The following SLIT2 variants were observed in gnomAD, a reference collection of about 807,000 sequenced individuals.
SLIT2 encodes the protein slit homolog 2 protein.
In SLIT2, 41 loss-of-function variants were observed where a neutral mutation model predicts 185.7. The observed-to-expected ratio is 0.22, with a 90% CI of 0.17 to 0.29. The LOEUF (loss-of-function observed/expected upper bound fraction) is 0.29, where lower values mean the gene tolerates loss of function less well. Among genes scored for constraint, SLIT2 ranks in the 10% least tolerant of loss-of-function variants. The probability of loss-of-function intolerance (pLI) is 1.00; values close to 1 mark genes in which losing one functional copy is unlikely to be tolerated. For synonymous variants in SLIT2, 693 were observed against 680.2 expected (o/e 1.02, Z -0.29); for missense variants, 1,571 against 1,909.0 (o/e 0.82, Z 3.30).
intron 4 of SLIT2, among the ~76,000 whole-genome samples, chr4:20,439,700 G>A (rs1408114444): frequency 2.6e-5 from 4 of 152,142 alleles, no homozygotes; most frequent in African/African-American, 4.8e-5. Context: ...ATTTATCATA[G>A]CCATTGACTT....
At chr4:20,593,189 C>T (rs1018702018) in intron 30 of SLIT2, among the ~76,000 whole-genome samples, 4 of 151,974 alleles carry the variant, frequency 2.6e-5, no homozygotes, top group African/African-American at 7.2e-5. Context: ...AAAAACCAGC[C>T]ATTTATAGAA....
intron 29 of SLIT2, among the ~76,000 whole-genome samples, chr4:20,576,255 A>ATTTTCTTTAT (rs772567269): frequency 3.9e-5 from 6 of 152,226 alleles, no homozygotes; most frequent in Non-Finnish European, 8.8e-5. Context: ...AAAATTACCT[A>ATTTTCTTTAT]AGGTAAATTA....
rs527616327 is a variant in SLIT2 at position 20,307,331 on chromosome 4, TA to T, written c.395+38451del. Among the ~76,000 whole-genome samples the T allele has an allele frequency of 1.6e-3, 244 of 149,722 alleles. 1 individual carries two copies. Among genetic ancestry groups the T allele is most frequent in the African/African-American group, 5.5e-3 (221 of 40,472 alleles). ...AGGCAGGAGTGCAGTGGCGCCATCA[TA>T]GCTCACTGCTGCCTTGAATTCCTGG... On this transcript the variant is annotated intron_variant, in intron 4 of 36. Coordinates refer to ENST00000504154, the MANE Select transcript of SLIT2 (RefSeq NM_004787.4).
intron 33 of SLIT2, among the ~76,000 whole-genome samples, chr4:20,600,152 AT>A (rs886231238): frequency 9.3e-5 from 14 of 151,306 alleles, no homozygotes; most frequent in South Asian, 2.1e-4. Flanking sequence ...ATTTTTTTTA[AT>A]TTTTTTTTAA....
intron 24 of SLIT2, among the ~76,000 whole-genome samples, chr4:20,550,347 A>G (rs1723625806): frequency 6.6e-6 from 1 of 150,840 alleles, no homozygotes; most frequent in Non-Finnish European, 1.5e-5. Context: ...TTATGCATAT[A>G]CTACTTTACT....
chr4:20,397,987 G>A (rs73238794), intron 4 of SLIT2, among the ~76,000 whole-genome samples: 1,623 of 151,862 alleles, frequency 0.011, 21 homozygotes, highest in Middle Eastern at 0.02. Flanking sequence ...AAGTACAGAC[G>A]AGTGAGTAGA....
At chr4:20,377,253 T>G (rs1217127336) in intron 4 of SLIT2, among the ~76,000 whole-genome samples, 1 of 152,120 alleles carries the variant, frequency 6.6e-6, no homozygotes, top group East Asian at 1.9e-4. Flanking sequence ...AAAATTTAAT[T>G]TTACAGTTTG....
chr4:20,331,503 G>T (rs1280519641), intron 4 of SLIT2, among the ~76,000 whole-genome samples: 1 of 151,298 alleles, frequency 6.6e-6, no homozygotes, highest in East Asian at 1.9e-4. Context: ...AGTAATTACA[G>T]ATAATTATAG....
At chr4:20,423,167 TC>T (rs1170453079) in intron 4 of SLIT2, among the ~76,000 whole-genome samples, 1 of 152,014 alleles carries the variant, frequency 6.6e-6, no homozygotes, top group Non-Finnish European at 1.5e-5. Context: ...CCAAAGTAAA[TC>T]CACGTACAGA....
At chr4:20,463,491 ATGTGTGTGTGCG>A (rs1713985313) in intron 4 of SLIT2, among the ~76,000 whole-genome samples, 68 of 96,030 alleles carry the variant, frequency 7.1e-4, no homozygotes, top group Non-Finnish European at 8.4e-4. Flanking sequence ...ATATATATAT[ATGTGTGTGTGCG>A]TATATCCATA....
chr4:20,255,119 A>G, intron 1 of SLIT2: 2 of 452,966 alleles, frequency 4.4e-6, no homozygotes, highest in South Asian at 3.1e-5. Flanking sequence ...GGAGTAAGCG[A>G]AGGGCGCGGG....
At chr4:20,432,748 G>A (rs1164922772) in intron 4 of SLIT2, among the ~76,000 whole-genome samples, 2 of 152,056 alleles carry the variant, frequency 1.3e-5, no homozygotes, top group African/African-American at 2.4e-5. Context: ...ATACAATTAG[G>A]AGAACTCTTT....
intron 33 of SLIT2, among the ~76,000 whole-genome samples, chr4:20,606,469 G>A (rs1267751902): frequency 8.0e-5 from 11 of 137,742 alleles, no homozygotes; most frequent in South Asian, 2.5e-4. Context: ...CTGACAGAGC[G>A]AGACTCTGTC....
In SLIT2 at chr4:20,549,134, C is replaced by T; in HGVS notation, c.2489+6C>T. Reference sequence around the variant, plus strand: ...TTAAAGTCTCTTCGATTACTGTAAGCATCTTGTGTTCAACAGAATATCTCT... The same window carrying T: ...TTAAAGTCTCTTCGATTACTGTAAGTATCTTGTGTTCAACAGAATATCTCT... On this transcript the variant is annotated splice_donor_region_variant and intron_variant, in intron 24 of 36. Coordinates refer to ENST00000504154, the MANE Select transcript of SLIT2 (RefSeq NM_004787.4). The T allele has an allele frequency of 6.5e-7, 1 of 1,539,424 alleles. No homozygotes were observed. Among genetic ancestry groups the T allele is most frequent in the Non-Finnish European group, 9.0e-7 (1 of 1,113,700 alleles).
intron 4 of SLIT2, among the ~76,000 whole-genome samples, chr4:20,340,766 AATTTTTTGT>A (rs745777737): frequency 6.6e-5 from 10 of 152,126 alleles, no homozygotes; most frequent in Middle Eastern, 3.4e-3. Context: ...AGACCCGGCT[AATTTTTTGT>A]ATTTTTTGGT....
chr4:20,397,987 G>C (rs73238794), intron 4 of SLIT2, among the ~76,000 whole-genome samples: 3 of 151,746 alleles, frequency 2.0e-5, no homozygotes, highest in Non-Finnish European at 4.4e-5. Flanking sequence ...AAGTACAGAC[G>C]AGTGAGTAGA....
At chr4:20,531,419 A>G (rs1721798584) in intron 16 of SLIT2, among the ~76,000 whole-genome samples, 1 of 152,214 alleles carries the variant, frequency 6.6e-6, no homozygotes, top group African/African-American at 2.4e-5. Context: ...GACTAGGAAA[A>G]TTAGTAAAAG....
At chr4:20,449,660 G>A (rs1712248773) in intron 4 of SLIT2, among the ~76,000 whole-genome samples, 1 of 152,054 alleles carries the variant, frequency 6.6e-6, no homozygotes, top group Admixed American at 6.6e-5. Context: ...ACCCACCTCG[G>A]CCTCTCAAAG....
intron 34 of SLIT2, among the ~76,000 whole-genome samples, chr4:20,610,958 G>C (rs562601885): frequency 6.6e-6 from 1 of 152,238 alleles, no homozygotes; most frequent in South Asian, 2.1e-4. Context: ...AAAGGAGAGA[G>C]GTCCCAATCT....
Sources: gnomAD v4.1 joint callset for allele counts (sites outside exome capture counted in the v4.1 genomes callset) on GRCh38, gnomAD v4.1.1 for gene constraint, MANE v1.5 for transcripts, NCBI Gene and HGNC (gene_info 2026-07-23, HGNC 2026-07-21) for gene names.